TYR: variants seen among roughly 807,000 people sequenced by gnomAD.
TYR encodes LB24-AB.
Under a neutral mutation model 51.5 loss-of-function variants are expected in TYR, and 58 were observed. That is an observed-to-expected ratio of 1.13 (90% CI 0.91 to 1.40). The LOEUF is 1.40. Among genes scored for constraint, TYR ranks in the 40% most tolerant of loss-of-function variants. The probability of loss-of-function intolerance (pLI) is 0.00; values close to 1 mark genes in which losing one functional copy is unlikely to be tolerated. For missense variants in TYR, 732 were observed against 647.4 expected, an observed-to-expected ratio of 1.13 and a Z score of -1.42; for synonymous variants, 263 against 235.2, an observed-to-expected ratio of 1.12 and a Z score of -1.08.
intron 3 of TYR, among the ~76,000 whole-genome samples, chr11:89,244,734 AC>A (rs1349890921): frequency 1.3e-5 from 2 of 152,222 alleles, no homozygotes; most frequent in Non-Finnish European, 2.9e-5. Flanking sequence ...CAGAAAAAAA[AC>A]AAGCACACCT....
intron 2 of TYR, among the ~76,000 whole-genome samples, chr11:89,196,177 T>C (rs1257892562): frequency 6.6e-6 from 1 of 152,208 alleles, no homozygotes. Context: ...GGTTAGTTAC[T>C]GACAACTTAG....
intron 4 of TYR, among the ~76,000 whole-genome samples, chr11:89,291,248 T>A (rs1346040858): frequency 6.6e-6 from 1 of 151,974 alleles, no homozygotes; most frequent in African/African-American, 2.4e-5. Flanking sequence ...TCTAGAATTA[T>A]ATCAATGATG....
intron 3 of TYR, among the ~76,000 whole-genome samples, chr11:89,231,606 T>C (rs1944051240): frequency 7.0e-6 from 1 of 142,378 alleles, no homozygotes; most frequent in African/African-American, 2.8e-5. Context: ...ACTCCTAGAA[T>C]TAGAGAGTAG....
intron 3 of TYR, among the ~76,000 whole-genome samples, chr11:89,238,776 T>G (rs1013774148): frequency 6.6e-6 from 1 of 152,180 alleles, no homozygotes; most frequent in African/African-American, 2.4e-5. Context: ...TATACCTAAT[T>G]TTTTGAGAGT....
chr11:89,277,490 G>A (rs765058655), intron 3 of TYR, among the ~76,000 whole-genome samples: 32 of 151,676 alleles, frequency 2.1e-4, no homozygotes, highest in Non-Finnish European at 4.0e-4. Flanking sequence ...ATCAGCTAGA[G>A]GTTGGTGAGC....
Position 89,254,748 on chromosome 11 carries a change from A to C in TYR, c.1184+26778A>C, listed in dbSNP as rs1282630567. Among the ~76,000 whole-genome samples the C allele has an allele frequency of 2.0e-5, 3 of 151,544 alleles. No homozygotes were observed. The South Asian group carries it at 6.2e-4, about 31-fold the overall frequency. On this transcript the variant is annotated intron_variant, in intron 3 of 4. Coordinates refer to ENST00000263321, the MANE Select transcript of TYR (RefSeq NM_000372.5). ...GGTTAACCTTGCTAATGCTCTATCA[A>C]TTTTATTTATCTTTTCAAAGAACAA...
chr11:89,227,974 G>A lies in TYR; in HGVS notation c.1184+4G>A, dbSNP rs117410990. The A allele has an allele frequency of 4.0e-5, 65 of 1,612,870 alleles. No homozygotes were observed. The East Asian group carries it at 1.3e-3, about 33-fold the overall frequency. On this transcript the variant is annotated splice_donor_region_variant and intron_variant, in intron 3 of 4. Coordinates refer to ENST00000263321, the MANE Select transcript of TYR (RefSeq NM_000372.5). Reference sequence around the variant, plus strand: ...TTCACCATGCATTTGTTGACAGGTTGGTTAATATTTCTTTATAAATAACGT... The same window carrying A: ...TTCACCATGCATTTGTTGACAGGTTAGTTAATATTTCTTTATAAATAACGT...
At chr11:89,226,572 A>G (rs1269739338) in intron 2 of TYR, among the ~76,000 whole-genome samples, 1 of 152,130 alleles carries the variant, frequency 6.6e-6, no homozygotes, top group Non-Finnish European at 1.5e-5. Flanking sequence ...GGAGGAAAAA[A>G]CATCACTACC....
chr11:89,250,806 C>A (rs75499281), intron 3 of TYR, among the ~76,000 whole-genome samples: 1 of 151,792 alleles, frequency 6.6e-6, no homozygotes, highest in Non-Finnish European at 1.5e-5. Context: ...TTCTGAGGTA[C>A]TTGGGATTAG....
intron 3 of TYR, among the ~76,000 whole-genome samples, chr11:89,236,235 T>TAC (rs35744603): frequency 0.14 from 20,816 of 148,724 alleles, 2,510 homozygotes; most frequent in African/African-American, 0.33. Flanking sequence ...CACACACACA[T>TAC]ACACACACAC....
chr11:89,284,862 A>G lies in TYR; in HGVS notation c.1274A>G (p.Tyr425Cys), dbSNP rs1399214393. Residue 425 changes from tyrosine (Y) to cysteine (C), a missense_variant, in exon 4 of 5, where the codon TAC becomes TGC. Transcript: ENST00000263321. Reference protein sequence around the residue: ...NAPIGHNRESYMVPFIPLYRN... With the variant: ...NAPIGHNRESCMVPFIPLYRN... ...CCCATTGGACATAACCGGGAATCCT[A>G]CATGGTTCCTTTTATACCACTGTAC... 5 of 1,611,922 alleles carry G rather than the reference A, an allele frequency of 3.1e-6. No individual in the cohort carries two copies. The highest frequency in any genetic ancestry group is 4.2e-6 in the Non-Finnish European group (5 of 1,178,512).
intron 3 of TYR, among the ~76,000 whole-genome samples, chr11:89,242,500 G>A (rs1335586417): frequency 2.0e-5 from 3 of 152,046 alleles, no homozygotes; most frequent in African/African-American, 4.8e-5. Flanking sequence ...ATGAGCCACT[G>A]TGCCCGGCCT....
chr11:89,278,100 G>A (rs1944677383), intron 3 of TYR, among the ~76,000 whole-genome samples: 2 of 151,602 alleles, frequency 1.3e-5, no homozygotes, highest in South Asian at 4.1e-4. Flanking sequence ...CCTTGAATTT[G>A]TCGCATACTT....
At chr11:89,260,379 T>C (rs1004059128) in intron 3 of TYR, among the ~76,000 whole-genome samples, 4 of 152,046 alleles carry the variant, frequency 2.6e-5, no homozygotes, top group Non-Finnish European at 4.4e-5. Flanking sequence ...CCAGAAACTA[T>C]GAAGGCCAGA....
intron 1 of TYR, among the ~76,000 whole-genome samples, chr11:89,182,104 A>C (rs1269915115): frequency 6.6e-6 from 1 of 152,098 alleles, no homozygotes; most frequent in African/African-American, 2.4e-5. Flanking sequence ...GTATCATAGC[A>C]CTTGTAACTT....
chr11:89,196,551 A>C (rs1943522083), intron 2 of TYR, among the ~76,000 whole-genome samples: 1 of 152,188 alleles, frequency 6.6e-6, no homozygotes, highest in Non-Finnish European at 1.5e-5. Context: ...AATAAATAAA[A>C]GAAAACTACC....
intron 3 of TYR, among the ~76,000 whole-genome samples, chr11:89,246,273 T>C (rs1391221628): frequency 6.6e-6 from 1 of 152,222 alleles, no homozygotes; most frequent in African/African-American, 2.4e-5. Context: ...GTCTGCTTCA[T>C]GCTTCTTTTG....
At chr11:89,185,926 A>C (rs1263508713) in intron 1 of TYR, among the ~76,000 whole-genome samples, 1 of 152,180 alleles carries the variant, frequency 6.6e-6, no homozygotes, top group Non-Finnish European at 1.5e-5. Flanking sequence ...CAAGAAAAAT[A>C]ATTTGGTGAA....
At chr11:89,249,583 C>T (rs992701003) in intron 3 of TYR, among the ~76,000 whole-genome samples, 1 of 151,688 alleles carries the variant, frequency 6.6e-6, no homozygotes, top group African/African-American at 2.4e-5. Context: ...ATGATCATGC[C>T]CTTGGCAACA....
Sources: gnomAD v4.1 joint callset for allele counts (sites outside exome capture counted in the v4.1 genomes callset) on GRCh38, gnomAD v4.1.1 for gene constraint, MANE v1.5 for transcripts, NCBI Gene and HGNC (gene_info 2026-07-23, HGNC 2026-07-21) for gene names.